Variants in RPS6KC1 observed in about 807,000 individuals in gnomAD.
The protein encoded by RPS6KC1 is inactive ribosomal protein S6 kinase delta-1.
A neutral mutation model predicts 103.8 loss-of-function variants in RPS6KC1; 54 were observed. The observed-to-expected ratio is 0.52, with a 90% CI of 0.42 to 0.65. The LOEUF is 0.65. RPS6KC1 is among the 30% of genes least tolerant of loss of function. The pLI is 0.00. For missense variants in RPS6KC1, 1,151 were observed against 1,253.8 expected, an observed-to-expected ratio of 0.92 and a Z score of 1.24; for synonymous variants, 439 against 438.7, an observed-to-expected ratio of 1.00 and a Z score of -0.01.
intron 8 of RPS6KC1, among the ~76,000 whole-genome samples, chr1:213,196,193 A>G (rs2092940753): frequency 6.6e-6 from 1 of 151,954 alleles, no homozygotes; most frequent in Non-Finnish European, 1.5e-5. Context: ...GTAAGGTGGT[A>G]TTGCATTGTG....
At chr1:213,362,930 T>C in the RPS6KC1 span, among the ~76,000 whole-genome samples, 10 of 152,192 alleles carry the variant, frequency 6.6e-5, no homozygotes, top group African/African-American at 2.4e-4. Context: ...CTTCAGCCTG[T>C]TGGCCCACCC....
At chr1:213,151,829 G>T (rs2089029608) in intron 6 of RPS6KC1, among the ~76,000 whole-genome samples, 1 of 131,104 alleles carries the variant, frequency 7.6e-6, no homozygotes, top group Non-Finnish European at 1.7e-5. Flanking sequence ...CGGGCGAGGG[G>T]CTGACCCCCC....
the RPS6KC1 span, among the ~76,000 whole-genome samples, chr1:213,484,492 A>G: frequency 6.6e-6 from 1 of 152,244 alleles, no homozygotes; most frequent in Non-Finnish European, 1.5e-5. Flanking sequence ...ACAACATGAC[A>G]AATGGCTTTC....
At chr1:213,289,279 A>G in the RPS6KC1 span, among the ~76,000 whole-genome samples, 2 of 144,652 alleles carry the variant, frequency 1.4e-5, no homozygotes, top group African/African-American at 2.6e-5. Context: ...AAAAAAAAAG[A>G]CTTAAAGATC....
intron 8 of RPS6KC1, among the ~76,000 whole-genome samples, chr1:213,222,652 A>G (rs1221563025): frequency 1.3e-5 from 2 of 152,210 alleles, no homozygotes; most frequent in African/African-American, 2.4e-5. Context: ...ACCGAGTACT[A>G]TTCCTTGTTT....
the RPS6KC1 span, among the ~76,000 whole-genome samples, chr1:213,827,577 A>G: frequency 6.6e-6 from 1 of 152,242 alleles, no homozygotes; most frequent in Non-Finnish European, 1.5e-5. Flanking sequence ...AAGAAAAAAA[A>G]AAGTTGGCTC....
chr1:213,510,114 G>A, the RPS6KC1 span, among the ~76,000 whole-genome samples: 1 of 152,198 alleles, frequency 6.6e-6, no homozygotes, highest in Non-Finnish European at 1.5e-5. Flanking sequence ...AGGGGATGGT[G>A]GAAGAGCATC....
intron 4 of RPS6KC1, among the ~76,000 whole-genome samples, chr1:213,116,250 A>G (rs2083593695): frequency 6.6e-6 from 1 of 151,764 alleles, no homozygotes; most frequent in Non-Finnish European, 1.5e-5. Flanking sequence ...TATTGGGTGC[A>G]TATATATTTA....
chr1:213,808,848 G>A, the RPS6KC1 span, among the ~76,000 whole-genome samples: 2 of 152,240 alleles, frequency 1.3e-5, no homozygotes, highest in African/African-American at 4.8e-5. Flanking sequence ...AGATGGAAAT[G>A]CAGAAATCAC....
the RPS6KC1 span, among the ~76,000 whole-genome samples, chr1:213,290,976 G>C: frequency 5.3e-5 from 8 of 152,064 alleles, no homozygotes; most frequent in African/African-American, 1.9e-4. Flanking sequence ...TTTCCACCAG[G>C]ACTCCCGGCC....
Position 213,073,659 on chromosome 1 carries a change from A to T in RPS6KC1, c.141+2618A>T, listed in dbSNP as rs558804862. On this transcript the variant is annotated intron_variant, in intron 2 of 14. Transcript: ENST00000366960. ...TCCTTTTTTAAAAAATAGTTTTATT[A>T]TTTATTTATTATTTATATTATTTAT... is the stretch of plus-strand genomic sequence containing the variant. 5.3e-5 allele frequency among the ~76,000 whole-genome samples: 8 copies of T among 151,746 alleles called. No individual in the cohort carries two copies. The South Asian group carries it at 1.7e-3, about 31-fold the overall frequency.
At chr1:213,626,783 T>C in the RPS6KC1 span, among the ~76,000 whole-genome samples, 2 of 152,204 alleles carry the variant, frequency 1.3e-5, no homozygotes, top group Non-Finnish European at 2.9e-5. Flanking sequence ...TCCATTGGCC[T>C]ATATCTCTGT....
the RPS6KC1 span, among the ~76,000 whole-genome samples, chr1:213,518,591 G>GTTA: frequency 1.3e-5 from 2 of 152,158 alleles, no homozygotes; most frequent in Admixed American, 6.5e-5. Context: ...AGTCGCTGAT[G>GTTA]TTATGGTGAT....
rs571657259 is a variant in RPS6KC1 at position 213,125,366 on chromosome 1, A to G, written c.473-4161A>G. On this transcript the variant is annotated intron_variant, in intron 5 of 14. Transcript: ENST00000366960. ...TAATATTTTATCATAAGGAGATATC[A>G]TAATCTATTATTAGGAATTTGTTAT... Among the ~76,000 whole-genome samples the G allele has an allele frequency of 2.5e-4, 38 of 152,116 alleles. 1 individual carries two copies. The highest frequency in any genetic ancestry group is 4.1e-4 in the Non-Finnish European group (28 of 68,006).
intron 12 of RPS6KC1, among the ~76,000 whole-genome samples, chr1:213,259,516 T>G (rs1363035402): frequency 6.6e-6 from 1 of 152,162 alleles, no homozygotes; most frequent in Non-Finnish European, 1.5e-5. Context: ...TGAGCCAAGA[T>G]TGTGCCACTG....
intron 1 of RPS6KC1, among the ~76,000 whole-genome samples, chr1:213,066,770 G>A (rs1157516933): frequency 1.3e-5 from 2 of 152,226 alleles, no homozygotes; most frequent in African/African-American, 4.8e-5. Context: ...GGTTAAGGAA[G>A]CAATTGTGAT....
chr1:213,514,991 AT>A, the RPS6KC1 span, among the ~76,000 whole-genome samples: 3 of 152,070 alleles, frequency 2.0e-5, no homozygotes, highest in Admixed American at 2.0e-4. Context: ...GATGATGAGC[AT>A]TTTTTCATGT....
chr1:213,644,641 G>T, the RPS6KC1 span, among the ~76,000 whole-genome samples: 2 of 151,686 alleles, frequency 1.3e-5, no homozygotes, highest in African/African-American at 2.4e-5. Flanking sequence ...TTTTAGTTTG[G>T]CTCCTTTCAT....
intron 1 of RPS6KC1, among the ~76,000 whole-genome samples, chr1:213,066,397 C>G (rs2078334925): frequency 6.6e-6 from 1 of 152,214 alleles, no homozygotes; most frequent in African/African-American, 2.4e-5. Flanking sequence ...TTTCCAAACC[C>G]TGTCTAAATT....
Sources: gnomAD v4.1 joint callset for allele counts (sites outside exome capture counted in the v4.1 genomes callset) on GRCh38, gnomAD v4.1.1 for gene constraint, MANE v1.5 for transcripts, NCBI Gene and HGNC (gene_info 2026-07-23, HGNC 2026-07-21) for gene names.